Variants in ZNF558 observed in about 807,000 individuals in gnomAD.
ZNF558 encodes zinc finger protein 558.
Under a neutral mutation model 37.6 loss-of-function variants are expected in ZNF558, and 23 were observed. The observed-to-expected ratio is 0.61, with a 90% CI of 0.44 to 0.87. ZNF558 has a LOEUF of 0.87. ZNF558 is among the 40% of genes least tolerant of loss of function. The pLI, the probability that ZNF558 is intolerant of heterozygous loss-of-function variation, is 0.00. For missense variants in ZNF558, 429 were observed against 483.7 expected, an observed-to-expected ratio of 0.89 and a Z score of 1.06; for synonymous variants, 189 against 174.4, an observed-to-expected ratio of 1.08 and a Z score of -0.66.
chr19:8,815,186 A>C (rs2043903356), intron 7 of ZNF558, among the ~76,000 whole-genome samples: 1 of 152,204 alleles, frequency 6.6e-6, no homozygotes, highest in Non-Finnish European at 1.5e-5. Flanking sequence ...CAAGTAAAAT[A>C]AGTCAACTAT....
intron 4 of ZNF558, 65 bp downstream of exon 4, chr19:8,824,017 C>T (rs77595053): frequency 0.012 from 1,790 of 152,848 alleles, 20 homozygotes; most frequent in Admixed American, 0.03. Context: ...GAGCCCTTGA[C>T]GATCCCAGCC....
chr19:8,837,191 G>A (rs961401178), upstream of ZNF558, among the ~76,000 whole-genome samples: 1 of 152,180 alleles, frequency 6.6e-6, no homozygotes, highest in Non-Finnish European at 1.5e-5. Context: ...TATACCCAAA[G>A]CTGTACGAAT....
intron 9 of ZNF558, among the ~76,000 whole-genome samples, chr19:8,812,295 T>G (rs571921647): frequency 1.3e-5 from 2 of 152,344 alleles, no homozygotes; most frequent in East Asian, 3.9e-4. Flanking sequence ...TGATAACGTG[T>G]GGATGAAGTT....
rs1568458730 is a variant in ZNF558 at position 8,810,506 on chromosome 19, T to C, written c.*775A>G. 1.3e-5 allele frequency: 2 copies of C among 152,230 alleles called. No homozygotes were observed. The highest frequency in any genetic ancestry group is 4.1e-4 in the South Asian group (2 of 4,838). The allele number at this position is 152,230 out of a possible 1,614,324, so 9.4% of individuals were successfully genotyped here. A position where few individuals can be genotyped will look rare whatever the true frequency, so the allele number is the denominator to read the frequency against. ...AGGATTCTCTCAGTACATAATCTTC[T>C]GGGCCCATGAAGGTGAGAATTCGAG... On this transcript the variant is annotated 3_prime_UTR_variant, in exon 10 of 10. Transcript: ENST00000601372.
At chr19:8,815,464 C>T (rs1048214629) in intron 7 of ZNF558, among the ~76,000 whole-genome samples, 12 of 151,914 alleles carry the variant, frequency 7.9e-5, no homozygotes, top group Admixed American at 4.6e-4. Flanking sequence ...ATAGGACAAT[C>T]GATATTATCC....
the ZNF558 span, among the ~76,000 whole-genome samples, chr19:8,837,560 G>A: frequency 2.0e-5 from 3 of 152,140 alleles, no homozygotes; most frequent in African/African-American, 7.2e-5. Flanking sequence ...GAATGGGGGT[G>A]GCTAGAAACT....
chr19:8,810,838 G>A lies in ZNF558; in HGVS notation c.*443C>T, dbSNP rs1325217881. On this transcript the variant is annotated 3_prime_UTR_variant, in exon 10 of 10. Transcript: ENST00000601372. ...TAAAAGCCATTTTGGCCTCTGTATTGGTCCTCTCTTGGATCACTAACCTTG... is the reference window on the plus strand; with the variant it reads ...TAAAAGCCATTTTGGCCTCTGTATTAGTCCTCTCTTGGATCACTAACCTTG... The A allele has an allele frequency of 2.5e-5, 4 of 160,430 alleles. No individual in the cohort carries two copies. The highest frequency in any genetic ancestry group is 4.8e-5 in the African/African-American group (2 of 41,476). The allele number at this position is 160,430 out of a possible 1,614,324, so 9.9% of individuals were successfully genotyped here.
upstream of ZNF558, among the ~76,000 whole-genome samples, chr19:8,835,432 C>T (rs143070330): frequency 1.3e-5 from 2 of 152,150 alleles, no homozygotes; most frequent in Non-Finnish European, 2.9e-5. Flanking sequence ...AAAAGATGCT[C>T]GGCCCCATTA....
At position 8,822,924 on chromosome 19, in the gene ZNF558, C is replaced by A. The variant is rs539004545; in HGVS notation, c.-65-200G>T. ...TTGCCTTCCTCTGTCCCCAACACAA[C>A]GACCAGTACCTCCCTGACCCACCCG... On this transcript the variant is annotated intron_variant, in intron 4 of 9. Transcript: ENST00000601372. This position sits in a 1 kb window ranked among gnomAD's most constrained non-coding sequence, Gnocchi z 4.4. The A allele has an allele frequency of 1.5e-5, 8 of 546,996 alleles. No individual in the cohort carries two copies. Among genetic ancestry groups the A allele is most frequent in the Non-Finnish European group, 6.6e-6 (2 of 302,956 alleles). 33.9% of individuals were successfully genotyped at this position (546,996 alleles called of 1,614,324 possible). A position where few individuals can be genotyped will look rare whatever the true frequency, so the allele number is the denominator to read the frequency against.
chr19:8,811,069 C>G lies in ZNF558; in HGVS notation c.*212G>C, dbSNP rs564355717. ...GATTGTAAGTAAAGGCATGAGAGAT[C>G]CTGCAGTGTAACTACAGAGATAAGC... On this transcript the variant is annotated 3_prime_UTR_variant, in exon 10 of 10. Transcript: ENST00000601372. The G allele has an allele frequency of 1.6e-4, 80 of 506,466 alleles. No homozygotes were observed. Among genetic ancestry groups the G allele is most frequent in the Non-Finnish European group, 1.8e-4 (52 of 289,784 alleles). 31.4% of individuals were successfully genotyped at this position (506,466 alleles called of 1,614,324 possible).
At chr19:8,814,117 CA>C (rs1555769439) in intron 7 of ZNF558, among the ~76,000 whole-genome samples, 1 of 152,218 alleles carries the variant, frequency 6.6e-6, no homozygotes, top group Non-Finnish European at 1.5e-5. Context: ...CCACAGCAAT[CA>C]GGAGAATGCC....
At position 8,810,077 on chromosome 19, in the gene ZNF558, G is replaced by A. The variant is rs1448666094; in HGVS notation, c.*1204C>T. The A allele has an allele frequency of 6.6e-6, 1 of 152,194 alleles. No individual in the cohort carries two copies. The highest frequency in any genetic ancestry group is 6.6e-5 in the Admixed American group (1 of 15,266). The allele number at this position is 152,194 out of a possible 1,614,324, so 9.4% of individuals were successfully genotyped here. A position where few individuals can be genotyped will look rare whatever the true frequency, so the allele number is the denominator to read the frequency against. ...CCCTAACACAGAGGCATCACTGAAG[G>A]CTTTCTCTTCTTCTTTATATTTCAA... On this transcript the variant is annotated 3_prime_UTR_variant, in exon 10 of 10. Coordinates refer to ENST00000601372, the MANE Select transcript of ZNF558 (RefSeq NM_144693.3).
At chr19:8,824,835 C>T (rs2044194866) in intron 3 of ZNF558, among the ~76,000 whole-genome samples, 167 bp downstream of exon 3, 1 of 152,188 alleles carries the variant, frequency 6.6e-6, no homozygotes, top group African/African-American at 2.4e-5. Flanking sequence ...TGAGCCCATC[C>T]TTGGGGTACA....
the ZNF558 span, among the ~76,000 whole-genome samples, chr19:8,837,515 C>T: frequency 5.1e-4 from 77 of 152,242 alleles, 1 homozygote; most frequent in Middle Eastern, 6.8e-3. Context: ...TTCCAGGGCT[C>T]GACAACCACT....
intron 7 of ZNF558, among the ~76,000 whole-genome samples, chr19:8,814,081 C>T (rs782248316): frequency 6.6e-5 from 10 of 152,220 alleles, no homozygotes; most frequent in Non-Finnish European, 1.0e-4. Flanking sequence ...TCAACTTTAT[C>T]GGAATTCTTG....
At chr19:8,812,103 A>G in intron 9 of ZNF558, 40 bp from the exon 10 acceptor site, 1 of 1,427,888 alleles carries the variant, frequency 7.0e-7, no homozygotes, top group Non-Finnish European at 9.3e-7. Flanking sequence ...AATTTATAAT[A>G]TTTGAAATAC....
chr19:8,808,823 A>G lies in ZNF558; in HGVS notation c.*2458T>C, dbSNP rs1172540417. On this transcript the variant is annotated 3_prime_UTR_variant, in exon 10 of 10. Transcript: ENST00000601372. Reference sequence around the variant, plus strand: ...TGAGATGGAGTCTCGCTCTGTTGCCAGGCTGGAGTGCACTGGCGCCATCTT... The same window carrying G: ...TGAGATGGAGTCTCGCTCTGTTGCCGGGCTGGAGTGCACTGGCGCCATCTT... The G allele has an allele frequency of 6.6e-6, 1 of 152,090 alleles. No individual in the cohort carries two copies. Among genetic ancestry groups the G allele is most frequent in the Admixed American group, 6.6e-5 (1 of 15,252 alleles). 9.4% of individuals were successfully genotyped at this position (152,090 alleles called of 1,614,324 possible).
At position 8,807,277 on chromosome 19, in the gene ZNF558, T is replaced by TA. The variant is rs1348452655; in HGVS notation, c.*4003dup. 6.6e-6 allele frequency: 1 copy of TA among 152,398 alleles called. No individual in the cohort carries two copies. Among genetic ancestry groups the TA allele is most frequent in the African/African-American group, 2.4e-5 (1 of 41,440 alleles). The allele number at this position is 152,398 out of a possible 1,614,324, so 9.4% of individuals were successfully genotyped here. On this transcript the variant is annotated 3_prime_UTR_variant, in exon 10 of 10. Coordinates refer to ENST00000601372, the MANE Select transcript of ZNF558 (RefSeq NM_144693.3). ...TTCGTCCCTTCAGGCTGTGAGGTGT[T>TA]AGAGCTCTGCCCTGCTAAGCTGCTG...
Position 8,811,625 on chromosome 19 carries a change from C to T in ZNF558, c.865G>A (p.Glu289Lys). Residue 289 changes from glutamate (E) to lysine (K), a missense_variant, in exon 10 of 10, where the codon GAG (glutamate) becomes AAG (lysine). Physicochemically the swap from Glu to Lys is moderately conservative, Grantham distance 56. Coordinates refer to ENST00000601372, the MANE Select transcript of ZNF558 (RefSeq NM_144693.3). ...CAATCGTGACATTCATAAGGTTTCT[C>T]CCCTGTATGAATGCTATTGTGCCCA... is the stretch of plus-strand genomic sequence containing the variant. ...LTGHNSIHTG[E>K]KPYECHDCGK... is the part of the protein sequence containing the mutation. 6.2e-7 allele frequency: 1 copy of T among 1,614,072 alleles called. No homozygotes were observed. The highest frequency in any genetic ancestry group is 8.5e-7 in the Non-Finnish European group (1 of 1,180,010).
Sources: gnomAD v4.1 joint callset for allele counts (sites outside exome capture counted in the v4.1 genomes callset) on GRCh38, gnomAD v4.1.1 for gene constraint, Gnocchi (gnomAD v3.1) non-coding constraint, MANE v1.5 for transcripts, NCBI Gene and HGNC (gene_info 2026-07-23, HGNC 2026-07-21) for gene names.